Variants in LRP1B observed in about 807,000 individuals in gnomAD.
LRP1B encodes the protein LDL receptor related protein 1B.
A neutral mutation model predicts 556.6 loss-of-function variants in LRP1B; 217 were observed. That is an observed-to-expected ratio of 0.39 (90% CI 0.35 to 0.44). The LOEUF (loss-of-function observed/expected upper bound fraction) is 0.44, where lower values mean the gene tolerates loss of function less well. Ranked by LOEUF, LRP1B falls within the 20% of genes least tolerant of loss-of-function variation. The probability of loss-of-function intolerance (pLI) is 1.00; values close to 1 mark genes in which losing one functional copy is unlikely to be tolerated. For synonymous variants in LRP1B, 2,047 were observed against 1,865.8 expected (o/e 1.10, Z -2.50); for missense variants, 5,053 against 5,620.8 (o/e 0.90, Z 3.23).
chr2:141,418,432 A>ATTTTTTT (rs373970330), intron 3 of LRP1B, among the ~76,000 whole-genome samples: 1 of 140,890 alleles, frequency 7.1e-6, no homozygotes, highest in Admixed American at 7.1e-5. Context: ...AGAGCACAAT[A>ATTTTTTT]TTTTTTTTTT....
At chr2:141,981,844 G>A (rs1215972994) in intron 1 of LRP1B, among the ~76,000 whole-genome samples, 2 of 152,070 alleles carry the variant, frequency 1.3e-5, no homozygotes, top group African/African-American at 2.4e-5. Context: ...TAATTAAAAA[G>A]GAGGTGTGTC....
At chr2:140,755,581 A>G (rs1368534946) in intron 35 of LRP1B, among the ~76,000 whole-genome samples, 1 of 151,962 alleles carries the variant, frequency 6.6e-6, no homozygotes, top group East Asian at 1.9e-4. Context: ...GTATATGATC[A>G]TCTCAGTAGG....
At chr2:140,968,807 C>G (rs1475060671) in intron 18 of LRP1B, among the ~76,000 whole-genome samples, 1 of 152,288 alleles carries the variant, frequency 6.6e-6, no homozygotes, top group African/African-American at 2.4e-5. Flanking sequence ...CATTTAGGAG[C>G]AGATTGTTCA....
In LRP1B at chr2:140,252,087, A is replaced by AAAAAAAAAC. The variant is rs1170506845; in HGVS notation, c.13248-4926_13248-4925insGTTTTTTTT. Among the ~76,000 whole-genome samples, 17 of 111,682 alleles carry AAAAAAAAAC rather than the reference A, an allele frequency of 1.5e-4. 1 individual carries two copies. Among genetic ancestry groups the AAAAAAAAAC allele is most frequent in the East Asian group, 6.0e-4 (2 of 3,346 alleles). The allele number at this position is 111,682 out of a possible 152,430, so 73.3% of individuals were successfully genotyped here. On this transcript the variant is annotated intron_variant, in intron 86 of 90. Coordinates refer to ENST00000389484, the MANE Select transcript of LRP1B (RefSeq NM_018557.3). ...CAAAAAAAAAAAAAAAAAAAAAAAAAAACCCAAAAAACAAAAAAAAACAGA... is the reference window on the plus strand; with the variant it reads ...CAAAAAAAAAAAAAAAAAAAAAAAAAAAAAAAAACAACCCAAAAAACAAAAAAAAACAGA...
At chr2:140,259,893 G>C (rs1251577268) in intron 86 of LRP1B, among the ~76,000 whole-genome samples, 8 of 151,900 alleles carry the variant, frequency 5.3e-5, no homozygotes, top group African/African-American at 1.9e-4. Flanking sequence ...ATAGAGTAAT[G>C]TGATAAATGT....
chr2:141,284,343 A>C (rs539763061), intron 3 of LRP1B, among the ~76,000 whole-genome samples: 2 of 152,220 alleles, frequency 1.3e-5, no homozygotes, highest in Admixed American at 6.5e-5. Context: ...GAAAATTATA[A>C]TGACTTGAAT....
intron 1 of LRP1B, among the ~76,000 whole-genome samples, chr2:142,021,290 T>A (rs945300347): frequency 3.9e-5 from 6 of 151,908 alleles, no homozygotes; most frequent in African/African-American, 7.3e-5. Context: ...TTTGAGATTT[T>A]AAAAAATCTT....
chr2:141,669,490 G>A (rs755371268), intron 2 of LRP1B, among the ~76,000 whole-genome samples: 8 of 152,080 alleles, frequency 5.3e-5, no homozygotes, highest in Non-Finnish European at 1.0e-4. Context: ...CCTTCCTCTG[G>A]GAAGCCTGCC....
chr2:141,164,925 T>C (rs1484895600), intron 7 of LRP1B, among the ~76,000 whole-genome samples: 2 of 152,010 alleles, frequency 1.3e-5, no homozygotes, highest in Non-Finnish European at 2.9e-5. Context: ...TTAATTTATG[T>C]TTCACCAACT....
At chr2:140,510,094 G>T (rs776981503) in intron 51 of LRP1B, 38 bp from the exon 52 acceptor site, 4 of 1,602,476 alleles carry the variant, frequency 2.5e-6, no homozygotes, top group Non-Finnish European at 3.4e-6. Context: ...AGATTACTCT[G>T]TGTCCACTGG....
At chr2:140,270,151 A>G in intron 86 of LRP1B, 91 bp downstream of exon 86, 3 of 889,212 alleles carry the variant, frequency 3.4e-6, no homozygotes, top group Non-Finnish European at 5.6e-6. Flanking sequence ...CTCATTTAAA[A>G]TTACCCCAGA....
At chr2:140,311,595 T>TAACA (rs1253043575) in intron 83 of LRP1B, among the ~76,000 whole-genome samples, 1 of 151,784 alleles carries the variant, frequency 6.6e-6, no homozygotes, top group Non-Finnish European at 1.5e-5. Flanking sequence ...ATGGTTACAC[T>TAACA]AACAGTCCAG....
chr2:140,758,053 A>C (rs1288173277), intron 35 of LRP1B, among the ~76,000 whole-genome samples: 2 of 152,186 alleles, frequency 1.3e-5, no homozygotes, highest in Non-Finnish European at 2.9e-5. Flanking sequence ...TGACTTGTAC[A>C]TATGTAAAAT....
At chr2:140,243,654 G>A (rs979237585) in intron 87 of LRP1B, among the ~76,000 whole-genome samples, 1 of 151,092 alleles carries the variant, frequency 6.6e-6, no homozygotes. Flanking sequence ...ACTTAGTAAA[G>A]GTGATCCTTC....
Position 140,813,694 on chromosome 2 carries a change from T to A in LRP1B, c.5322A>T (p.Lys1774Asn). 6.2e-7 allele frequency: 1 copy of A among 1,613,570 alleles called. No individual in the cohort carries two copies. Among genetic ancestry groups the A allele is most frequent in the Non-Finnish European group, 8.5e-7 (1 of 1,179,608 alleles). The change falls in exon 32 of 91, where the codon AAA becomes AAT. Residue 1774 changes from lysine (K) to asparagine (N), a missense_variant. Around this residue, in one of 5 missense-constraint regions of LRP1B, gnomAD observed 3,619 missense variants for 3,931.9 expected, o/e 0.92. Transcript: ENST00000389484. ...GGGCTGTAGCTTTTGTTAATTCTTC[T>A]TTCATTGACTCGATTACTTCTAAAT... is the stretch of plus-strand genomic sequence containing the variant. ...GGNLEVIESM[K>N]EELTKATALT...
rs778609109 is a variant in LRP1B, at chr2:140,238,229, A to T, written c.13483T>A (p.Tyr4495Asn). ...GINVEIGNPS[Y>N]NMYEVDHDHN... is the part of the protein sequence containing the mutation. Reference sequence around the variant, plus strand: ...TCATGATCTACCTCATACATGTTATAAGATGGATTGCCAATTTCTACATTT... The same window carrying T: ...TCATGATCTACCTCATACATGTTATTAGATGGATTGCCAATTTCTACATTT... The change falls in exon 89 of 91, where the codon TAT becomes AAT. Residue 4495 changes from tyrosine (Y) to asparagine (N), a missense_variant. This residue lies in a region of LRP1B where 551 missense variants were observed against 592.0 expected (regional missense o/e 0.93). Coordinates refer to ENST00000389484, the MANE Select transcript of LRP1B (RefSeq NM_018557.3). The T allele has an allele frequency of 1.9e-6, 3 of 1,599,810 alleles. No individual in the cohort carries two copies. The East Asian group carries it at 6.7e-5, about 36-fold the overall frequency.
chr2:141,681,700 A>G (rs948231744), intron 2 of LRP1B, among the ~76,000 whole-genome samples: 6 of 152,168 alleles, frequency 3.9e-5, no homozygotes. Flanking sequence ...AGCCGAAAGA[A>G]TACTTGATAG....
At chr2:142,035,165 T>TC (rs1163223847) in intron 1 of LRP1B, among the ~76,000 whole-genome samples, 2 of 151,784 alleles carry the variant, frequency 1.3e-5, no homozygotes, top group East Asian at 3.9e-4. Context: ...AAGAAAAAAG[T>TC]CCCAATACAT....
At chr2:142,042,653 A>G (rs967142113) in intron 1 of LRP1B, among the ~76,000 whole-genome samples, 1 of 151,512 alleles carries the variant, frequency 6.6e-6, no homozygotes, top group South Asian at 2.1e-4. Context: ...AGGTTCAAAA[A>G]GCCTTTCTCA....
Sources: gnomAD v4.1 joint callset for allele counts (sites outside exome capture counted in the v4.1 genomes callset) on GRCh38, gnomAD v4.1.1 for gene constraint, gnomAD v4.1.1 regional missense constraint, MANE v1.5 for transcripts, NCBI Gene and HGNC (gene_info 2026-07-23, HGNC 2026-07-21) for gene names.